Variants in LPA observed in about 807,000 individuals in gnomAD.
LPA encodes the protein apolipoprotein(a).
LPA carries 199 observed loss-of-function variants against 197.9 expected under a neutral mutation model. The observed-to-expected ratio is 1.01, with a 90% CI of 0.90 to 1.13. The LOEUF (loss-of-function observed/expected upper bound fraction) is 1.13, where lower values mean the gene tolerates loss of function less well. LPA is among the 50% of genes most tolerant of loss of function. The pLI, the probability that LPA is intolerant of heterozygous loss-of-function variation, is 0.00. For missense variants in LPA, 1,853 were observed against 1,785.8 expected (o/e 1.04, Z -0.68); for synonymous variants, 715 against 639.5 (o/e 1.12, Z -1.78).
chr6:160,605,721 C>T (rs1282267216), intron 17 of LPA, among the ~76,000 whole-genome samples: 1 of 152,170 alleles, frequency 6.6e-6, no homozygotes. Flanking sequence ...AGACAACAGT[C>T]CTTCGTCTAG....
At chr6:160,583,834 C>T (rs754158229) in intron 26 of LPA, among the ~76,000 whole-genome samples, 15 of 152,144 alleles carry the variant, frequency 9.9e-5, no homozygotes, top group Non-Finnish European at 1.9e-4. Context: ...AACTCTTTGC[C>T]CTTAAGTCTA....
In LPA at chr6:160,606,600, T is replaced by C. The variant is rs1428112456; in HGVS notation, c.2662A>G (p.Thr888Ala). 6.2e-7 allele frequency: 1 copy of C among 1,613,938 alleles called. No individual in the cohort carries two copies. The highest frequency in any genetic ancestry group is 8.5e-7 in the Non-Finnish European group (1 of 1,179,946). ...TCCCACCTGACACTGGGATCCCTCG[T>C]ATAACAATAAGGGGCTGCCACAGGA... ...PDPVAAPYCY[T>A]RDPSVRWEYC... Residue 888 changes from threonine to alanine, a missense_variant, in exon 17 of 39, where the codon ACG (threonine) becomes GCG (alanine). Coordinates refer to ENST00000316300, the MANE Select transcript of LPA (RefSeq NM_005577.4).
At chr6:160,568,673 G>A (rs201481292) in intron 28 of LPA, among the ~76,000 whole-genome samples, 1 of 152,120 alleles carries the variant, frequency 6.6e-6, no homozygotes, top group African/African-American at 2.4e-5. Context: ...AGGGTATTCA[G>A]TTAGGAAAAG....
chr6:160,577,839 G>C (rs1254554978), intron 27 of LPA, among the ~76,000 whole-genome samples: 5 of 152,210 alleles, frequency 3.3e-5, no homozygotes, highest in Admixed American at 3.3e-4. Flanking sequence ...AGGAGAGATA[G>C]GGAATCTTCT....
chr6:160,603,468 C>G (rs1006217622), intron 18 of LPA, among the ~76,000 whole-genome samples: 1 of 152,048 alleles, frequency 6.6e-6, no homozygotes, highest in Non-Finnish European at 1.5e-5. Flanking sequence ...TAATTTGGCT[C>G]TTCTATACTG....
At chr6:160,609,656 C>G (rs2115065161) in intron 16 of LPA, among the ~76,000 whole-genome samples, 1 of 152,206 alleles carries the variant, frequency 6.6e-6, no homozygotes. Context: ...CTCCCTTGCT[C>G]TTTACTGTGA....
intron 28 of LPA, among the ~76,000 whole-genome samples, chr6:160,568,223 G>A (rs1242338102): frequency 1.3e-5 from 2 of 152,144 alleles, no homozygotes; most frequent in East Asian, 1.9e-4. Flanking sequence ...GATGAACATT[G>A]ATGCAAAAAT....
intron 1 of LPA, among the ~76,000 whole-genome samples, chr6:160,661,498 C>G (rs1182496205): frequency 1.3e-5 from 2 of 152,156 alleles, no homozygotes; most frequent in Admixed American, 1.3e-4. Flanking sequence ...CTGTCCTGAC[C>G]TCCTGAGAGT....
At chr6:160,549,957 T>C (rs1469525978) in intron 30 of LPA, among the ~76,000 whole-genome samples, 1 of 152,230 alleles carries the variant, frequency 6.6e-6, no homozygotes, top group Non-Finnish European at 1.5e-5. Flanking sequence ...GTGCTTTGGC[T>C]CACGCCTGTA....
intron 24 of LPA, 82 bp from the exon 25 acceptor site, chr6:160,586,712 C>G (rs1778919413): frequency 6.3e-7 from 1 of 1,599,416 alleles, no homozygotes; most frequent in Admixed American, 1.7e-5. Context: ...TTTCTTGTAA[C>G]AAAGTGTAAA....
chr6:160,663,028 G>GT (rs770500239), intron 1 of LPA, among the ~76,000 whole-genome samples: 31 of 152,284 alleles, frequency 2.0e-4, no homozygotes, highest in Non-Finnish European at 4.1e-4. Context: ...CAACTACCTG[G>GT]TGGATAAGGT....
chr6:160,533,176 C>A (rs1301926746), intron 37 of LPA, among the ~76,000 whole-genome samples: 1 of 152,062 alleles, frequency 6.6e-6, no homozygotes, highest in African/African-American at 2.4e-5. Context: ...GAAAAATGTC[C>A]TGGAAATATG....
At chr6:160,538,570 A>T (rs577612712) in intron 36 of LPA, among the ~76,000 whole-genome samples, 1 of 152,338 alleles carries the variant, frequency 6.6e-6, no homozygotes, top group South Asian at 2.1e-4. Flanking sequence ...ACTCTTAAAG[A>T]TTAGAACTCT....
intron 18 of LPA, 71 bp downstream of exon 18, chr6:160,604,975 T>A: frequency 1.2e-6 from 2 of 1,601,530 alleles, no homozygotes; most frequent in Non-Finnish European, 1.7e-6. Flanking sequence ...ACACTCAGCT[T>A]GAAGCATGAC....
intron 36 of LPA, among the ~76,000 whole-genome samples, chr6:160,539,574 C>T (rs909205429): frequency 2.0e-5 from 3 of 152,060 alleles, no homozygotes; most frequent in African/African-American, 7.2e-5. Context: ...TGCCTACAGC[C>T]TTGAAGTCCT....
rs370998836 is a variant in LPA, at chr6:160,582,489, A to G, written c.4289+2557T>C. Reference sequence around the variant, plus strand: ...GATTTGATCTTTTTTTCTTCTTACCACTCTAAAGGTGTTATTCTATTGTTT... The same window carrying G: ...GATTTGATCTTTTTTTCTTCTTACCGCTCTAAAGGTGTTATTCTATTGTTT... On this transcript the variant is annotated intron_variant, in intron 26 of 38. Transcript: ENST00000316300. Among the ~76,000 whole-genome samples, 40 of 150,076 alleles carry G rather than the reference A, an allele frequency of 2.7e-4. 1 individual carries two copies. The South Asian group carries it at 8.5e-3, about 32-fold the overall frequency.
chr6:160,563,902 T>C (rs572749669), intron 28 of LPA, among the ~76,000 whole-genome samples: 2 of 152,232 alleles, frequency 1.3e-5, no homozygotes, highest in South Asian at 4.1e-4. Context: ...TTTTTTTTTC[T>C]TTCCATTTGC....
At chr6:160,536,514 ACTTTTCTAAGTC>A (rs1460244726) in intron 37 of LPA, among the ~76,000 whole-genome samples, 1 of 152,158 alleles carries the variant, frequency 6.6e-6, no homozygotes, top group Non-Finnish European at 1.5e-5. Flanking sequence ...AGAGCTCACG[ACTTTTCTAAGTC>A]CTGACAGCCC....
chr6:160,576,363 T>TAC (rs1562327888), intron 28 of LPA, among the ~76,000 whole-genome samples: 1,025 of 37,226 alleles, frequency 0.028, 80 homozygotes, highest in East Asian at 0.19. Flanking sequence ...TATATATATA[T>TAC]ATACATATAT....
Sources: allele counts gnomAD v4.1 joint callset (sites outside exome capture counted in the v4.1 genomes callset), GRCh38; gene constraint gnomAD v4.1.1; transcripts MANE v1.5; gene names NCBI Gene and HGNC (gene_info 2026-07-23, HGNC 2026-07-21).